PDILT: variants seen among roughly 807,000 people sequenced by gnomAD.
PDILT encodes protein disulfide-isomerase-like protein of the testis.
In PDILT, 43 loss-of-function variants were observed where a neutral mutation model predicts 53.7. The observed-to-expected ratio is 0.80, with a 90% confidence interval of 0.63 to 1.03. PDILT has a LOEUF of 1.03. Ranked by LOEUF, PDILT falls within the 50% of genes least tolerant of loss-of-function variation. The pLI is 0.00. For synonymous variants in PDILT, 282 were observed against 274.2 expected (o/e 1.03, Z -0.28); for missense variants, 727 against 712.3 (o/e 1.02, Z -0.24).
chr16:20,398,502 G>T (rs1483886671), intron 2 of PDILT, among the ~76,000 whole-genome samples: 3 of 152,100 alleles, frequency 2.0e-5, no homozygotes, highest in African/African-American at 7.2e-5. Context: ...GTGGTGGCGG[G>T]TACCTGCGAT....
chr16:20,388,951 G>C (rs1487082479), intron 2 of PDILT: 1 of 152,088 alleles, frequency 6.6e-6, no homozygotes, highest in African/African-American at 2.4e-5. Flanking sequence ...TTCCTTCTGG[G>C]CTCTGGAACC....
At chr16:20,402,246 G>A (rs1966751274) in intron 1 of PDILT, among the ~76,000 whole-genome samples, 2 of 151,498 alleles carry the variant, frequency 1.3e-5, no homozygotes, top group Non-Finnish European at 2.9e-5. Context: ...AGAAAAGGTG[G>A]ATAAGAGAAG....
intron 2 of PDILT, among the ~76,000 whole-genome samples, chr16:20,398,335 G>C (rs1305499289): frequency 6.6e-6 from 1 of 152,022 alleles, no homozygotes; most frequent in African/African-American, 2.4e-5. Flanking sequence ...AAGAGTGATG[G>C]TCTCGGCTGG....
At chr16:20,367,065 T>C (rs1254130530) in intron 8 of PDILT, among the ~76,000 whole-genome samples, 1 of 129,684 alleles carries the variant, frequency 7.7e-6, no homozygotes, top group African/African-American at 3.1e-5. Flanking sequence ...CTTTCTTTCT[T>C]TCTTTCTTTC....
intron 7 of PDILT, among the ~76,000 whole-genome samples, chr16:20,371,171 G>T (rs1365504446): frequency 6.6e-6 from 1 of 152,154 alleles, no homozygotes; most frequent in East Asian, 1.9e-4. Flanking sequence ...GAGAGACAAA[G>T]GAGAAAAGGT....
At chr16:20,400,273 C>CCAT (rs1966720662) in intron 1 of PDILT, among the ~76,000 whole-genome samples, 2 of 151,978 alleles carry the variant, frequency 1.3e-5, no homozygotes, top group South Asian at 4.2e-4. Context: ...TGGGGTTCCA[C>CCAT]CATGTTGGCC....
At chr16:20,395,988 G>A (rs1966658348) in intron 2 of PDILT, among the ~76,000 whole-genome samples, 1 of 152,164 alleles carries the variant, frequency 6.6e-6, no homozygotes, top group Non-Finnish European at 1.5e-5. Flanking sequence ...TTCCTTTGTA[G>A]CAACACAAAC....
At chr16:20,387,038 A>G (rs1235149643) in intron 2 of PDILT, among the ~76,000 whole-genome samples, 1 of 152,206 alleles carries the variant, frequency 6.6e-6, no homozygotes, top group Non-Finnish European at 1.5e-5. Flanking sequence ...CTATGATAAT[A>G]GTAATGGAGA....
rs772970812 is a variant in PDILT at position 20,361,190 on chromosome 16, CTT to C, written c.1417-535_1417-534del. On this transcript the variant is annotated intron_variant, in intron 10 of 11. Coordinates refer to ENST00000302451, the MANE Select transcript of PDILT (RefSeq NM_174924.2). ...TCCATTATCACAAGTTCCCTTTCCT[CTT>C]TTTTTTTTTTTTTATATGGAATCTT... Among the ~76,000 whole-genome samples the C allele has an allele frequency of 8.8e-3, 675 of 76,744 alleles. 7 individuals are homozygous for C. The highest frequency in any genetic ancestry group is 0.032 in the African/African-American group (645 of 20,280). The allele number at this position is 76,744 out of a possible 152,430, so 50.3% of individuals were successfully genotyped here.
chr16:20,361,476 G>A (rs1164903471), intron 10 of PDILT, among the ~76,000 whole-genome samples: 2 of 152,122 alleles, frequency 1.3e-5, no homozygotes, highest in South Asian at 2.1e-4. Context: ...GAGACACCAC[G>A]CCCGACTCCC....
intron 3 of PDILT, among the ~76,000 whole-genome samples, chr16:20,380,746 A>G (rs932533705): frequency 3.9e-5 from 6 of 152,258 alleles, no homozygotes; most frequent in African/African-American, 1.4e-4. Flanking sequence ...TGCCTGGCAC[A>G]TAGTAGATGC....
chr16:20,375,933 G>A, intron 4 of PDILT, 135 bp downstream of exon 4: 3 of 1,102,664 alleles, frequency 2.7e-6, no homozygotes, highest in Non-Finnish European at 3.9e-6. Context: ...AACCCTTGGA[G>A]CTTCCCCTAA....
At chr16:20,400,058 A>G (rs9929296) in intron 1 of PDILT, among the ~76,000 whole-genome samples, 1 of 96,042 alleles carries the variant, frequency 1.0e-5, no homozygotes, top group Non-Finnish European at 2.1e-5. Flanking sequence ...ATCTATCTAT[A>G]TATATATATA....
Position 20,373,028 on chromosome 16 carries a change from A to T in PDILT, c.776T>A (p.Ile259Asn), listed in dbSNP as rs750122337. 7 of 1,614,072 alleles carry T rather than the reference A, an allele frequency of 4.3e-6. No individual in the cohort carries two copies. In the East Asian group the frequency reaches 1.3e-4, roughly 31 times the overall value. Residue 259 changes from isoleucine (I) to asparagine (N), a missense_variant, in exon 6 of 12, where the codon ATC becomes AAC. Transcript: ENST00000302451. ...VIKQHLTDFV[I>N]EYNTENKDLI... ...CTCACTGACCTCAGTGTTGTATTCG[A>T]TCACAAAATCTGTAAGGTGCTGTTT...
intron 2 of PDILT, among the ~76,000 whole-genome samples, chr16:20,385,641 G>A (rs1414281853): frequency 6.6e-6 from 1 of 152,076 alleles, no homozygotes; most frequent in Non-Finnish European, 1.5e-5. Flanking sequence ...TGGGTAGAAA[G>A]AACATGACTA....
intron 3 of PDILT, among the ~76,000 whole-genome samples, chr16:20,377,906 T>C (rs932885447): frequency 6.6e-6 from 1 of 151,906 alleles, no homozygotes; most frequent in South Asian, 2.1e-4. Flanking sequence ...GTGAGCCAAG[T>C]TCGCACCACC....
intron 8 of PDILT, among the ~76,000 whole-genome samples, chr16:20,367,038 T>C (rs556119483): frequency 9.9e-5 from 3 of 30,438 alleles, no homozygotes; most frequent in South Asian, 8.7e-4. Flanking sequence ...TTTCTTTCTT[T>C]CTTTCTTTCT....
At chr16:20,396,701 C>G (rs1966666482) in intron 2 of PDILT, among the ~76,000 whole-genome samples, 1 of 152,220 alleles carries the variant, frequency 6.6e-6, no homozygotes, top group Non-Finnish European at 1.5e-5. Flanking sequence ...CCAAAGTATA[C>G]AGTTTAGACT....
intron 6 of PDILT, 29 bp from the exon 7 acceptor site, chr16:20,372,956 C>T (rs750258937): frequency 6.2e-7 from 1 of 1,613,604 alleles, no homozygotes; most frequent in Non-Finnish European, 8.5e-7. Flanking sequence ...TATGTCATCC[C>T]AAGCACACAC....
Sources: allele counts gnomAD v4.1 joint callset (sites outside exome capture counted in the v4.1 genomes callset), GRCh38; gene constraint gnomAD v4.1.1; transcripts MANE v1.5; gene names NCBI Gene and HGNC (gene_info 2026-07-23, HGNC 2026-07-21).